Variants in RUNDC3B observed in about 807,000 individuals in gnomAD.
RUNDC3B encodes the protein RUN domain containing 3B, also known as RUN domain-containing protein 3B.
In RUNDC3B, 33 loss-of-function variants were observed where a neutral mutation model predicts 58.4. That is an observed-to-expected ratio of 0.56 (90% confidence interval 0.43 to 0.75). The LOEUF is 0.75. Among genes scored for constraint, RUNDC3B ranks in the 30% least tolerant of loss-of-function variants. The pLI is 0.00. For missense variants in RUNDC3B, 501 were observed against 535.7 expected, an observed-to-expected ratio of 0.94 and a Z score of 0.64; for synonymous variants, 193 against 195.2, an observed-to-expected ratio of 0.99 and a Z score of 0.10.
chr7:87,781,896 C>T lies in RUNDC3B; in HGVS notation c.956+3941C>T, dbSNP rs1272517431. On this transcript the variant is annotated intron_variant, in intron 8 of 10. Transcript: ENST00000394654. ...TAGATTTAGTTTGGTAGTATTTTATCAAGTATCTTTTCCTCTATCTTCATT... is the reference window on the plus strand; with the variant it reads ...TAGATTTAGTTTGGTAGTATTTTATTAAGTATCTTTTCCTCTATCTTCATT... Among the ~76,000 whole-genome samples, 4 of 152,056 alleles carry T rather than the reference C, an allele frequency of 2.6e-5. No homozygotes were observed. In the South Asian group the frequency reaches 8.3e-4, roughly 32 times the overall value.
intron 7 of RUNDC3B, among the ~76,000 whole-genome samples, chr7:87,772,264 A>G (rs973511720): frequency 1.3e-5 from 2 of 152,190 alleles, no homozygotes; most frequent in Non-Finnish European, 2.9e-5. Flanking sequence ...TAAATTTCTG[A>G]AATTTAACAA....
At chr7:87,770,477 T>G in intron 6 of RUNDC3B, 104 bp from the exon 7 acceptor site, 5 of 866,154 alleles carry the variant, frequency 5.8e-6, no homozygotes, top group Non-Finnish European at 9.1e-6. Flanking sequence ...TATTTAGTAC[T>G]AAATATTTTC....
chr7:87,641,888 A>G (rs938694359), intron 1 of RUNDC3B, among the ~76,000 whole-genome samples: 1 of 152,182 alleles, frequency 6.6e-6, no homozygotes, highest in African/African-American at 2.4e-5. Context: ...TTTAAATCTT[A>G]GTATTTACAG....
At chr7:87,670,774 G>T (rs1825748013) in intron 2 of RUNDC3B, among the ~76,000 whole-genome samples, 1 of 152,220 alleles carries the variant, frequency 6.6e-6, no homozygotes, top group Admixed American at 6.5e-5. Context: ...GCCTTGGGGT[G>T]TGATCCAGCA....
intron 8 of RUNDC3B, among the ~76,000 whole-genome samples, chr7:87,792,051 A>G (rs955653943): frequency 6.6e-5 from 10 of 152,148 alleles, no homozygotes; most frequent in Admixed American, 3.9e-4. Context: ...GAAACTGAAA[A>G]AAGATCAGGA....
intron 2 of RUNDC3B, among the ~76,000 whole-genome samples, chr7:87,686,068 T>C (rs530659793): frequency 6.6e-6 from 1 of 152,292 alleles, no homozygotes; most frequent in Non-Finnish European, 1.5e-5. Context: ...ATAACCTGAG[T>C]TCCCTGTTCT....
At chr7:87,815,635 GT>G (rs923171488) in intron 9 of RUNDC3B, among the ~76,000 whole-genome samples, 2 of 151,936 alleles carry the variant, frequency 1.3e-5, no homozygotes, top group Non-Finnish European at 2.9e-5. Context: ...TTACCCAGCA[GT>G]TTTTAAACTT....
At chr7:87,776,515 A>T (rs1834638348) in intron 7 of RUNDC3B, among the ~76,000 whole-genome samples, 1 of 152,102 alleles carries the variant, frequency 6.6e-6, no homozygotes, top group Non-Finnish European at 1.5e-5. Flanking sequence ...AGAAAAGTAA[A>T]GAGATAATAA....
intron 6 of RUNDC3B, among the ~76,000 whole-genome samples, chr7:87,769,950 A>G (rs1014559918): frequency 6.6e-6 from 1 of 151,714 alleles, no homozygotes; most frequent in African/African-American, 2.4e-5. Context: ...TTTTCACCTT[A>G]TGCTCTGCTT....
intron 10 of RUNDC3B, among the ~76,000 whole-genome samples, chr7:87,825,856 T>C (rs112832702): frequency 0.03 from 4,538 of 152,264 alleles, 64 homozygotes; most frequent in Middle Eastern, 0.048. Flanking sequence ...TTTCTTGGGG[T>C]ATGTAGCCCC....
intron 9 of RUNDC3B, among the ~76,000 whole-genome samples, chr7:87,813,833 T>C (rs1326612948): frequency 4.0e-5 from 6 of 150,548 alleles, no homozygotes; most frequent in Admixed American, 2.0e-4. Flanking sequence ...CAAAAAAAAA[T>C]AGCCGGGCGT....
intron 2 of RUNDC3B, among the ~76,000 whole-genome samples, chr7:87,685,314 T>C (rs547446394): frequency 2.6e-5 from 4 of 152,156 alleles, no homozygotes; most frequent in Non-Finnish European, 5.9e-5. Context: ...GATACACATA[T>C]GGCAAGTAAA....
chr7:87,777,852 TC>T lies in RUNDC3B; in HGVS notation c.856del (p.Gln286ArgfsTer23). 6.2e-7 allele frequency: 1 copy of T among 1,613,594 alleles called. No homozygotes were observed. Among genetic ancestry groups the T allele is most frequent in the Non-Finnish European group, 8.5e-7 (1 of 1,179,664 alleles). On this transcript the variant is annotated frameshift_variant, in exon 8 of 11. Transcript: ENST00000394654. LOFTEE classifies it high-confidence loss of function. ...LRENQLSESV[S>X]QNKILLQRIE... is the part of the protein sequence containing the mutation. ...AGAGAACCAACTATCTGAATCTGTC[TC>T]CCAGAATAAAATACTACTTCAAAGG...
intron 3 of RUNDC3B, among the ~76,000 whole-genome samples, chr7:87,702,193 A>AT (rs914477876): frequency 1.5e-4 from 22 of 146,542 alleles, no homozygotes; most frequent in African/African-American, 5.1e-4. Context: ...TTTCTCACTA[A>AT]TTTTTTTTTA....
chr7:87,647,622 T>G (rs373244447), intron 1 of RUNDC3B, among the ~76,000 whole-genome samples: 1 of 152,232 alleles, frequency 6.6e-6, no homozygotes, highest in Non-Finnish European at 1.5e-5. Context: ...TTTCATAATT[T>G]AGTTAAGTAA....
chr7:87,678,744 A>G (rs1166839946), intron 2 of RUNDC3B, among the ~76,000 whole-genome samples: 1 of 151,950 alleles, frequency 6.6e-6, no homozygotes, highest in East Asian at 1.9e-4. Context: ...AAGTTATTCC[A>G]TGCAGAAAGT....
chr7:87,663,514 C>T (rs1469742785), intron 2 of RUNDC3B, among the ~76,000 whole-genome samples: 1 of 152,072 alleles, frequency 6.6e-6, no homozygotes, highest in Non-Finnish European at 1.5e-5. Flanking sequence ...GTAAATTTCT[C>T]AAGAAAACTT....
chr7:87,690,717 T>A (rs1206811217), intron 2 of RUNDC3B, among the ~76,000 whole-genome samples: 1 of 152,164 alleles, frequency 6.6e-6, no homozygotes, highest in Non-Finnish European at 1.5e-5. Flanking sequence ...CTTAACAGTA[T>A]TAGTAATAGA....
At chr7:87,795,935 T>C (rs554352721) in intron 8 of RUNDC3B, among the ~76,000 whole-genome samples, 1 of 152,020 alleles carries the variant, frequency 6.6e-6, no homozygotes, top group Non-Finnish European at 1.5e-5. Context: ...CCCCATATGA[T>C]CCAGCAATCC....
Sources: gnomAD v4.1 joint callset for allele counts (sites outside exome capture counted in the v4.1 genomes callset) on GRCh38, gnomAD v4.1.1 for gene constraint, MANE v1.5 for transcripts, NCBI Gene and HGNC (gene_info 2026-07-23, HGNC 2026-07-21) for gene names.